The following PLD5 variants were observed in gnomAD, a reference collection of about 807,000 sequenced individuals.
The protein encoded by PLD5 is inactive phospholipase D5.
A neutral mutation model predicts 61.1 loss-of-function variants in PLD5; 36 were observed. That is an observed-to-expected ratio of 0.59 (90% CI 0.45 to 0.78). The LOEUF (loss-of-function observed/expected upper bound fraction) is 0.78, where lower values mean the gene tolerates loss of function less well. PLD5 is among the 30% of genes least tolerant of loss of function. The probability of loss-of-function intolerance (pLI) is 0.00; values close to 1 mark genes in which losing one functional copy is unlikely to be tolerated. For missense variants in PLD5, 515 were observed against 644.4 expected, an observed-to-expected ratio of 0.80 and a Z score of 2.17; for synonymous variants, 243 against 242.8, an observed-to-expected ratio of 1.00 and a Z score of -0.01.
rs562831016 is a variant in PLD5, at chr1:242,368,000, C to T, written c.190-19758G>A. 4.6e-5 allele frequency among the ~76,000 whole-genome samples: 7 copies of T among 152,194 alleles called. No individual in the cohort carries two copies. In the East Asian group the frequency reaches 1.2e-3, roughly 25 times the overall value. On this transcript the variant is annotated intron_variant, in intron 1 of 9. Coordinates refer to ENST00000536534, the MANE Select transcript of PLD5 (RefSeq NM_001372062.1). The stretch of plus-strand genomic sequence containing the variant: ...TTTCCAGAATGCAAGGTAAAAAGTA[C>T]AAAGTCCTGTTAAAATAATTGGAAG...
At chr1:242,352,078 C>G (rs2256058) in intron 1 of PLD5, among the ~76,000 whole-genome samples, 1 of 152,136 alleles carries the variant, frequency 6.6e-6, no homozygotes, top group Non-Finnish European at 1.5e-5. Context: ...TGGAGCTATA[C>G]TCTCTTAATG....
intron 1 of PLD5, among the ~76,000 whole-genome samples, chr1:242,441,699 CT>C (rs1666282472): frequency 6.6e-6 from 1 of 151,966 alleles, no homozygotes; most frequent in African/African-American, 2.4e-5. Flanking sequence ...ACAGACACCC[CT>C]CTTCCCGAGG....
intron 1 of PLD5, among the ~76,000 whole-genome samples, chr1:242,476,049 T>G (rs141032480): frequency 0.011 from 1,659 of 152,248 alleles, 29 homozygotes; most frequent in African/African-American, 0.038. Context: ...AGCAAACTAA[T>G]GCACATAAAA....
intron 1 of PLD5, among the ~76,000 whole-genome samples, chr1:242,459,532 GA>G (rs1360214274): frequency 2.0e-5 from 3 of 152,162 alleles, no homozygotes. Context: ...GCCAAGCTAT[GA>G]TTGCTATGGT....
At chr1:242,376,426 AGTTCCTAGT>A (rs776949921) in intron 1 of PLD5, among the ~76,000 whole-genome samples, 3 of 152,200 alleles carry the variant, frequency 2.0e-5, no homozygotes, top group Non-Finnish European at 4.4e-5. Flanking sequence ...GACACTTAAA[AGTTCCTAGT>A]GTTTTTGAGA....
In PLD5 at chr1:242,334,358, G is replaced by A. The variant is rs59832064; in HGVS notation, c.326+13748C>T. 2.8e-3 allele frequency among the ~76,000 whole-genome samples: 424 copies of A among 152,248 alleles called. 3 individuals are homozygous for A. The highest frequency in any genetic ancestry group is 9.7e-3 in the African/African-American group (404 of 41,536). On this transcript the variant is annotated intron_variant, in intron 2 of 9. Transcript: ENST00000536534. ...CCCAGCAGGTTCAGGAAATAAAGGT[G>A]GGTATGCATCAACAACTGAAGTTTA... is the stretch of plus-strand genomic sequence containing the variant.
chr1:242,301,337 A>C (rs1676023985), intron 2 of PLD5, among the ~76,000 whole-genome samples: 1 of 152,224 alleles, frequency 6.6e-6, no homozygotes, highest in African/African-American at 2.4e-5. Flanking sequence ...CAGAATTGTC[A>C]ATCTGTTCAG....
chr1:242,371,629 C>G (rs754428520), intron 1 of PLD5, among the ~76,000 whole-genome samples: 1 of 152,006 alleles, frequency 6.6e-6, no homozygotes, highest in African/African-American at 2.4e-5. Flanking sequence ...TCCCAATGCT[C>G]CCTGACACCC....
chr1:242,452,203 G>A (rs1267224224), intron 1 of PLD5, among the ~76,000 whole-genome samples: 1 of 152,058 alleles, frequency 6.6e-6, no homozygotes, highest in East Asian at 1.9e-4. Flanking sequence ...CAGTGTACTG[G>A]CATTTTGGAC....
At position 242,271,616 on chromosome 1, in the gene PLD5, T is replaced by C. The variant is rs1402821432; in HGVS notation, c.496-6168A>G. On this transcript the variant is annotated intron_variant, in intron 3 of 9. Transcript: ENST00000536534. ...TGAGGCCCAAGAATCCTTTACACACTCAAGAATGTTACCTGCCAGGGTGAA... is the reference window on the plus strand; with the variant it reads ...TGAGGCCCAAGAATCCTTTACACACCCAAGAATGTTACCTGCCAGGGTGAA... 1.3e-4 allele frequency among the ~76,000 whole-genome samples: 20 copies of C among 151,894 alleles called. No homozygotes were observed. The East Asian group carries it at 2.5e-3, about 19-fold the overall frequency.
chr1:242,289,412 G>A (rs1401758517), intron 2 of PLD5, among the ~76,000 whole-genome samples: 5 of 151,990 alleles, frequency 3.3e-5, no homozygotes, highest in Non-Finnish European at 7.4e-5. Context: ...GCAGTGGTGC[G>A]ATCTTGGCTC....
chr1:242,501,809 T>TATATATAC (rs1491464865), intron 1 of PLD5, among the ~76,000 whole-genome samples: 1 of 145,728 alleles, frequency 6.9e-6, no homozygotes. Context: ...TATATATATA[T>TATATATAC]ACACTACATC....
chr1:242,279,502 G>A (rs1173344317), intron 3 of PLD5, among the ~76,000 whole-genome samples: 1 of 151,992 alleles, frequency 6.6e-6, no homozygotes, highest in Non-Finnish European at 1.5e-5. Context: ...AGAAAAGTGG[G>A]AGTCTACCTG....
chr1:242,215,311 C>A (rs1670109262), intron 5 of PLD5, among the ~76,000 whole-genome samples: 1 of 151,976 alleles, frequency 6.6e-6, no homozygotes, highest in Admixed American at 6.6e-5. Flanking sequence ...TCCAACATTC[C>A]ACAGGCATCC....
At chr1:242,327,338 A>G (rs936103534) in intron 2 of PLD5, among the ~76,000 whole-genome samples, 2 of 152,194 alleles carry the variant, frequency 1.3e-5, no homozygotes, top group African/African-American at 4.8e-5. Flanking sequence ...TTTTAAATAT[A>G]TATGACTGCA....
chr1:242,180,606 G>A (rs1209619612), intron 5 of PLD5, among the ~76,000 whole-genome samples: 1 of 152,152 alleles, frequency 6.6e-6, no homozygotes, highest in Non-Finnish European at 1.5e-5. Context: ...AATGTCCATA[G>A]GAATCACCTG....
intron 2 of PLD5, among the ~76,000 whole-genome samples, chr1:242,329,780 T>C (rs1338064151): frequency 6.6e-6 from 1 of 152,142 alleles, no homozygotes. Flanking sequence ...CTCCCAAACT[T>C]GGTACATTAG....
intron 1 of PLD5, among the ~76,000 whole-genome samples, chr1:242,439,232 C>T (rs939230744): frequency 3.3e-5 from 5 of 152,154 alleles, no homozygotes; most frequent in Admixed American, 3.3e-4. Flanking sequence ...AAGTCAATTG[C>T]ATGTGGGGAA....
At chr1:242,242,426 CAGA>C (rs1401338318) in intron 4 of PLD5, among the ~76,000 whole-genome samples, 10 of 152,242 alleles carry the variant, frequency 6.6e-5, no homozygotes, top group African/African-American at 2.4e-4. Context: ...AAGCCATAAA[CAGA>C]TTTCTTAGGC....
Sources: gnomAD v4.1 joint callset for allele counts (sites outside exome capture counted in the v4.1 genomes callset) on GRCh38, gnomAD v4.1.1 for gene constraint, MANE v1.5 for transcripts, NCBI Gene and HGNC (gene_info 2026-07-23, HGNC 2026-07-21) for gene names.